Variants in MICAL3 observed in about 807,000 individuals in gnomAD.
MICAL3 encodes the protein microtubule associated monooxygenase, calponin and LIM domain containing 3, also known as [F-actin]-monooxygenase MICAL3.
A neutral mutation model predicts 207.4 loss-of-function variants in MICAL3; 62 were observed. That is an observed-to-expected ratio of 0.30 (90% CI 0.24 to 0.37). The LOEUF (loss-of-function observed/expected upper bound fraction) is 0.37, where lower values mean the gene tolerates loss of function less well. Ranked by LOEUF, MICAL3 falls within the 10% of genes least tolerant of loss-of-function variation. The pLI, the probability that MICAL3 is intolerant of heterozygous loss-of-function variation, is 1.00. For synonymous variants in MICAL3, 1,077 were observed against 1,069.3 expected (o/e 1.01, Z -0.14); for missense variants, 2,368 against 2,635.6 (o/e 0.90, Z 2.22).
intron 1 of MICAL3, among the ~76,000 whole-genome samples, chr22:17,973,680 G>A (rs1935517417): frequency 2.0e-5 from 3 of 152,184 alleles, no homozygotes; most frequent in Admixed American, 6.5e-5. Flanking sequence ...TGAAATCCCT[G>A]CACTTTGGAA....
intron 16 of MICAL3, chr22:17,872,653 A>G: frequency 2.5e-6 from 2 of 791,386 alleles, no homozygotes; most frequent in South Asian, 1.4e-5. Context: ...CATAGCATAC[A>G]CGGGCTATGC....
chr22:17,877,412 T>G (rs1469803012), intron 16 of MICAL3, among the ~76,000 whole-genome samples: 3 of 101,058 alleles, frequency 3.0e-5, no homozygotes, highest in Non-Finnish European at 5.8e-5. Flanking sequence ...TTAGGGAAGT[T>G]ATGGAGGTTA....
chr22:17,963,752 G>A (rs1187035829), intron 1 of MICAL3, among the ~76,000 whole-genome samples: 2 of 152,166 alleles, frequency 1.3e-5, no homozygotes, highest in African/African-American at 2.4e-5. Flanking sequence ...CAGGAGGGTC[G>A]CTTCTGTGTC....
intron 1 of MICAL3, among the ~76,000 whole-genome samples, chr22:17,985,353 C>CT (rs1418355633): frequency 2.0e-5 from 3 of 152,130 alleles, no homozygotes; most frequent in Non-Finnish European, 1.5e-5. Flanking sequence ...ACCGTGAACT[C>CT]TGAGAACAGA....
intron 22 of MICAL3, among the ~76,000 whole-genome samples, chr22:17,827,114 AG>A (rs1159373841): frequency 6.6e-6 from 1 of 152,200 alleles, no homozygotes; most frequent in Admixed American, 6.5e-5. Flanking sequence ...TATTTAAAAA[AG>A]CCAGAATAAG....
rs771482928 is a variant in MICAL3 at position 17,790,522 on chromosome 22, C to T, written c.*210G>A. 3.4e-4 allele frequency: 197 copies of T among 583,918 alleles called. 2 individuals are homozygous for T. Among genetic ancestry groups the T allele is most frequent in the Non-Finnish European group, 5.3e-4 (174 of 329,206 alleles). The allele number at this position is 583,918 out of a possible 1,614,324, so 36.2% of individuals were successfully genotyped here. ...TGAGTGGGAGGTCCAGGTGGGCCTC[C>T]TCCCAGGAGGTGGAGCCGTCTCAGA... On this transcript the variant is annotated 3_prime_UTR_variant, in exon 32 of 32. Transcript: ENST00000441493.
intron 1 of MICAL3, among the ~76,000 whole-genome samples, chr22:17,976,551 G>GTA (rs1935642140): frequency 2.4e-4 from 17 of 72,086 alleles, no homozygotes; most frequent in Middle Eastern, 0.015. Flanking sequence ...GTGTGTGTGT[G>GTA]TGTGTGTGTG....
At chr22:17,892,785 A>G (rs930952594) in intron 11 of MICAL3, among the ~76,000 whole-genome samples, 3 of 152,214 alleles carry the variant, frequency 2.0e-5, no homozygotes, top group African/African-American at 4.8e-5. Context: ...TGGCATCCCA[A>G]TGGCACGTCA....
At chr22:17,861,086 C>G (rs1395957981) in intron 19 of MICAL3, 1 of 985,288 alleles carries the variant, frequency 1.0e-6, no homozygotes, top group African/African-American at 1.7e-5. Context: ...GTAGAATTCT[C>G]TTGCTCCACT....
intron 1 of MICAL3, among the ~76,000 whole-genome samples, chr22:17,907,205 C>T (rs1238488817): frequency 7.0e-6 from 1 of 142,616 alleles, no homozygotes; most frequent in African/African-American, 2.5e-5. Flanking sequence ...ATCTAAGTCA[C>T]TATTGGTGGT....
Position 18,020,613 on chromosome 22 carries a change from T to TG in MICAL3, c.-75+3667_-75+3668insC, listed in dbSNP as rs1556566844. The stretch of plus-strand genomic sequence containing the variant: ...AAAATGGCTGTAAACCTTTAAAAAG[T>TG]AAAAAAAAAAAAAAAAAAATAGGCT... On this transcript the variant is annotated intron_variant, in intron 1 of 31. Coordinates refer to ENST00000441493, the MANE Select transcript of MICAL3 (RefSeq NM_015241.3). Among the ~76,000 whole-genome samples, 10 of 119,758 alleles carry TG rather than the reference T, an allele frequency of 8.4e-5. No individual in the cohort carries two copies. The Admixed American group carries it at 8.7e-4, about 10-fold the overall frequency. 78.6% of individuals were successfully genotyped at this position (119,758 alleles called of 152,430 possible).
intron 1 of MICAL3, among the ~76,000 whole-genome samples, chr22:17,913,667 G>A (rs564643260): frequency 3.9e-5 from 6 of 152,182 alleles, no homozygotes; most frequent in Non-Finnish European, 1.5e-5. Flanking sequence ...AATCCTGCAG[G>A]ACTGTAGTAC....
chr22:17,866,150 G>A (rs1015070388), intron 17 of MICAL3, 138 bp from the exon 18 acceptor site: 1 of 683,666 alleles, frequency 1.5e-6, no homozygotes. Flanking sequence ...CCTGGGCCCA[G>A]CTTTCTTGTC....
At chr22:17,953,443 G>C (rs568900065) in intron 1 of MICAL3, among the ~76,000 whole-genome samples, 1 of 152,188 alleles carries the variant, frequency 6.6e-6, no homozygotes, top group South Asian at 2.1e-4. Flanking sequence ...GGGAAGATGG[G>C]ACACGATCTG....
intron 1 of MICAL3, among the ~76,000 whole-genome samples, chr22:17,937,958 G>A (rs1218724464): frequency 1.3e-5 from 2 of 152,190 alleles, no homozygotes; most frequent in African/African-American, 4.8e-5. Flanking sequence ...CAGATGTCAA[G>A]CTCAGTACAA....
At chr22:17,854,871 G>A (rs183542187) in intron 19 of MICAL3, among the ~76,000 whole-genome samples, 2 of 152,302 alleles carry the variant, frequency 1.3e-5, no homozygotes, top group Admixed American at 6.5e-5. Flanking sequence ...TCTGACAGAC[G>A]GGACGTTCCA....
intron 16 of MICAL3, among the ~76,000 whole-genome samples, chr22:17,885,039 G>T (rs1429123198): frequency 6.6e-6 from 1 of 152,170 alleles, no homozygotes; most frequent in African/African-American, 2.4e-5. Context: ...CACTTCCAGT[G>T]CGAATCTTCA....
chr22:17,911,566 C>G (rs1165490874), intron 1 of MICAL3, among the ~76,000 whole-genome samples: 1 of 152,160 alleles, frequency 6.6e-6, no homozygotes, highest in Non-Finnish European at 1.5e-5. Flanking sequence ...GGTGAGGTGG[C>G]TCATGCCTGT....
chr22:17,832,166 A>T, intron 20 of MICAL3, 59 bp from the exon 21 acceptor site: 6 of 1,534,488 alleles, frequency 3.9e-6, no homozygotes, highest in Non-Finnish European at 5.3e-6. Flanking sequence ...GAGAAGGGGA[A>T]GGGGAAGGGC....
Sources: gnomAD v4.1 joint callset for allele counts (sites outside exome capture counted in the v4.1 genomes callset) on GRCh38, gnomAD v4.1.1 for gene constraint, MANE v1.5 for transcripts, NCBI Gene and HGNC (gene_info 2026-07-23, HGNC 2026-07-21) for gene names.